Variants in HNRNPC observed in about 807,000 individuals in gnomAD.
The protein encoded by HNRNPC is heterogeneous nuclear ribonucleoprotein C, also known as heterogeneous nuclear ribonucleoproteins C1/C2.
A neutral mutation model predicts 33.2 loss-of-function variants in HNRNPC; 3 were observed. The ratio of observed to expected loss-of-function variants is 0.09; its 90% CI spans 0.04 to 0.23. The LOEUF (loss-of-function observed/expected upper bound fraction) is 0.23, where lower values mean the gene tolerates loss of function less well. Ranked by LOEUF, HNRNPC falls within the 10% of genes least tolerant of loss-of-function variation. HNRNPC has a pLI of 1.00. For synonymous variants in HNRNPC, 121 were observed against 126.7 expected (o/e 0.96, Z 0.30); for missense variants, 143 against 366.7 (o/e 0.39, Z 4.98).
intron 5 of HNRNPC, among the ~76,000 whole-genome samples, chr14:21,228,689 G>A (rs1329630830): frequency 6.6e-6 from 1 of 151,960 alleles, no homozygotes; most frequent in Non-Finnish European, 1.5e-5. Context: ...ACCGTGCCCA[G>A]CTGATTTTTA....
intron 5 of HNRNPC, among the ~76,000 whole-genome samples, chr14:21,221,838 G>C (rs1892854772): frequency 6.6e-6 from 1 of 152,106 alleles, no homozygotes; most frequent in African/African-American, 2.4e-5. Context: ...ACGAGGTCAG[G>C]AGATCAAGAC....
chr14:21,268,846 G>A (rs550688219), intron 1 of HNRNPC, among the ~76,000 whole-genome samples: 2 of 152,216 alleles, frequency 1.3e-5, no homozygotes, highest in East Asian at 3.9e-4. Flanking sequence ...AGGCCACGCG[G>A]CACGATCCAG....
At chr14:21,259,882 C>A (rs57846081) in intron 2 of HNRNPC, among the ~76,000 whole-genome samples, 19 of 132,852 alleles carry the variant, frequency 1.4e-4, no homozygotes, top group Admixed American at 2.3e-4. Context: ...CTGTCTCCAC[C>A]AAAAAAAAAA....
intron 2 of HNRNPC, among the ~76,000 whole-genome samples, chr14:21,247,077 G>A (rs1426118519): frequency 6.6e-6 from 1 of 152,138 alleles, no homozygotes; most frequent in East Asian, 1.9e-4. Flanking sequence ...TTTTATTTTT[G>A]AGGGGGTGCT....
chr14:21,222,478 T>C (rs28827934), intron 5 of HNRNPC, among the ~76,000 whole-genome samples: 11,848 of 152,282 alleles, frequency 0.078, 565 homozygotes, highest in Non-Finnish European at 0.087. Context: ...CTGCTTAGAA[T>C]ATTTTCATGG....
chr14:21,209,473 A>G lies in HNRNPC; in HGVS notation c.*1750T>C, dbSNP rs533632183. The G allele has an allele frequency of 6.6e-6, 1 of 152,198 alleles. No homozygotes were observed. The highest frequency in any genetic ancestry group is 1.5e-5 in the Non-Finnish European group (1 of 68,022). The allele number at this position is 152,198 out of a possible 1,614,324, so 9.4% of individuals were successfully genotyped here. ...TTTTCTAGTCACGGGTTACTTACTA[A>G]AAGTCTGTGTAACATGAGCTCACAT... On this transcript the variant is annotated 3_prime_UTR_variant, in exon 9 of 9. Transcript: ENST00000553300.
chr14:21,232,942 C>G (rs375027350), intron 3 of HNRNPC, among the ~76,000 whole-genome samples: 1 of 151,850 alleles, frequency 6.6e-6, no homozygotes, highest in Admixed American at 6.6e-5. Context: ...GAGGCTGAAA[C>G]AGGACAATCG....
chr14:21,212,960 A>G lies in HNRNPC; in HGVS notation c.523T>C (p.Leu175=), dbSNP rs1450296703. Residue 175 remains leucine, a splice_region_variant and synonymous_variant, in exon 6 of 9, where the codon TTG becomes CTG. Transcript: ENST00000553300. ...AATCACAAAATGAAATAATACATAC[A>G]CTTTCCAGACTTGGAAGATCCCCGC... ...GQRGSSKSGK[L]KGDDLQAIKK... is the part of the protein sequence containing the mutation. The G allele has an allele frequency of 1.2e-6, 2 of 1,613,704 alleles. No homozygotes were observed. Among genetic ancestry groups the G allele is most frequent in the East Asian group, 4.5e-5 (2 of 44,886 alleles).
intron 1 of HNRNPC, among the ~76,000 whole-genome samples, chr14:21,267,441 C>T (rs909944303): frequency 6.6e-5 from 10 of 152,124 alleles, no homozygotes; most frequent in Non-Finnish European, 1.3e-4. Flanking sequence ...AGGTCGAATG[C>T]CATGTCAAAT....
intron 5 of HNRNPC, among the ~76,000 whole-genome samples, chr14:21,225,052 G>A (rs1893261837): frequency 6.6e-6 from 1 of 152,108 alleles, no homozygotes; most frequent in Non-Finnish European, 1.5e-5. Context: ...AGTCTCCGCT[G>A]TCATAATAAA....
chr14:21,255,648 AAAT>A (rs1306516972), intron 2 of HNRNPC, among the ~76,000 whole-genome samples: 1 of 152,178 alleles, frequency 6.6e-6, no homozygotes, highest in African/African-American at 2.4e-5. Flanking sequence ...ATTAGAAGGA[AAAT>A]ACTACCACAT....
intron 5 of HNRNPC, among the ~76,000 whole-genome samples, chr14:21,216,120 C>CAAAAAA (rs370660995): frequency 8.0e-5 from 7 of 87,832 alleles, no homozygotes; most frequent in Non-Finnish European, 1.1e-4. Flanking sequence ...CCTCCACCAC[C>CAAAAAA]AAAAAAAAAA....
At chr14:21,267,702 A>AAC (rs1459560549) in intron 1 of HNRNPC, among the ~76,000 whole-genome samples, 6 of 152,210 alleles carry the variant, frequency 3.9e-5, no homozygotes, top group African/African-American at 1.4e-4. Flanking sequence ...TATTAACTCA[A>AAC]AGAATTTTTG....
chr14:21,245,760 CAT>C (rs1895913201), intron 2 of HNRNPC, among the ~76,000 whole-genome samples: 2 of 152,276 alleles, frequency 1.3e-5, no homozygotes, highest in South Asian at 4.1e-4. Flanking sequence ...AAAACTAAGA[CAT>C]AAACATTAGC....
intron 1 of HNRNPC, among the ~76,000 whole-genome samples, chr14:21,267,778 C>T (rs892754304): frequency 6.6e-6 from 1 of 152,156 alleles, no homozygotes; most frequent in African/African-American, 2.4e-5. Context: ...AAGTGCCCGT[C>T]AATCAATTTC....
chr14:21,216,120 CAAA>C (rs370660995), intron 5 of HNRNPC, among the ~76,000 whole-genome samples: 4 of 87,842 alleles, frequency 4.6e-5, no homozygotes, highest in Admixed American at 1.4e-4. Flanking sequence ...CCTCCACCAC[CAAA>C]AAAAAAAAAA....
At chr14:21,249,599 A>C (rs572909242) in intron 2 of HNRNPC, among the ~76,000 whole-genome samples, 23 of 148,652 alleles carry the variant, frequency 1.5e-4, no homozygotes, top group South Asian at 8.4e-4. Flanking sequence ...AAAACAAAAA[A>C]AAAAAAAAAA....
intron 5 of HNRNPC, among the ~76,000 whole-genome samples, chr14:21,221,435 T>C (rs1892813647): frequency 6.6e-6 from 1 of 152,198 alleles, no homozygotes; most frequent in Admixed American, 6.5e-5. Flanking sequence ...CAGCAAGCAA[T>C]GTTCTAGTTT....
chr14:21,217,529 TAGATTA>T (rs1892324347), intron 5 of HNRNPC, among the ~76,000 whole-genome samples: 1 of 152,140 alleles, frequency 6.6e-6, no homozygotes, highest in African/African-American at 2.4e-5. Flanking sequence ...AAAATGGAAA[TAGATTA>T]TTACCACATT....
Sources: allele counts gnomAD v4.1 joint callset (sites outside exome capture counted in the v4.1 genomes callset), GRCh38; gene constraint gnomAD v4.1.1; transcripts MANE v1.5; gene names NCBI Gene and HGNC (gene_info 2026-07-23, HGNC 2026-07-21).